Variants in FOXP1 observed in about 807,000 individuals in gnomAD.
FOXP1 encodes the protein forkhead box protein P1.
In FOXP1, 15 loss-of-function variants were observed where a neutral mutation model predicts 98.2. That is an observed-to-expected ratio of 0.15 (90% CI 0.10 to 0.24). FOXP1 has a LOEUF of 0.24. FOXP1 is among the 10% of genes least tolerant of loss of function. The pLI, the probability that FOXP1 is intolerant of heterozygous loss-of-function variation, is 1.00. For missense variants in FOXP1, 633 were observed against 848.5 expected, an observed-to-expected ratio of 0.75 and a Z score of 3.15; for synonymous variants, 371 against 314.5, an observed-to-expected ratio of 1.18 and a Z score of -1.90.
At chr3:71,307,834 T>C (rs1321778977) in intron 4 of FOXP1, among the ~76,000 whole-genome samples, 1 of 152,200 alleles carries the variant, frequency 6.6e-6, no homozygotes, top group Non-Finnish European at 1.5e-5. Context: ...CAAACCTGGA[T>C]GCAACTGAAT....
At chr3:71,492,999 T>C (rs1035487845) in intron 3 of FOXP1, among the ~76,000 whole-genome samples, 1 of 152,122 alleles carries the variant, frequency 6.6e-6, no homozygotes, top group Non-Finnish European at 1.5e-5. Context: ...TAAGTCCTGA[T>C]CATACAAAAA....
chr3:71,582,366 G>T (rs1328797216), intron 1 of FOXP1: 1 of 975,692 alleles, frequency 1.0e-6, no homozygotes, highest in Non-Finnish European at 1.2e-6. Context: ...AAACTCCTCG[G>T]CTCCCGGCGC....
chr3:71,076,223 C>T (rs532213162), intron 7 of FOXP1, among the ~76,000 whole-genome samples: 1 of 152,228 alleles, frequency 6.6e-6, no homozygotes, highest in East Asian at 1.9e-4. Context: ...TCAGCTTGCA[C>T]CCAAATAGCA....
At chr3:71,434,381 C>G (rs1218260171) in intron 3 of FOXP1, among the ~76,000 whole-genome samples, 1 of 152,142 alleles carries the variant, frequency 6.6e-6, no homozygotes, top group Non-Finnish European at 1.5e-5. Flanking sequence ...CTTGCTGTCC[C>G]TCCCAAGTCC....
chr3:70,960,794 A>T (rs987010728), intron 20 of FOXP1, among the ~76,000 whole-genome samples: 1 of 152,054 alleles, frequency 6.6e-6, no homozygotes, highest in Non-Finnish European at 1.5e-5. Context: ...AAATTAGCAC[A>T]GCCTAGAGAG....
At chr3:71,255,139 C>T (rs531652464) in intron 5 of FOXP1, among the ~76,000 whole-genome samples, 2 of 152,254 alleles carry the variant, frequency 1.3e-5, no homozygotes, top group South Asian at 2.1e-4. Flanking sequence ...CAATTAACCT[C>T]GGACCTATAG....
intron 5 of FOXP1, among the ~76,000 whole-genome samples, chr3:71,213,628 C>G (rs2064678984): frequency 6.6e-6 from 1 of 152,050 alleles, no homozygotes; most frequent in Admixed American, 6.6e-5. Context: ...CCAGCCTGGC[C>G]AATATGGTGA....
chr3:71,470,083 A>G (rs1252940086), intron 3 of FOXP1, among the ~76,000 whole-genome samples: 1 of 151,926 alleles, frequency 6.6e-6, no homozygotes, highest in Non-Finnish European at 1.5e-5. Context: ...ATTAATAAAA[A>G]TAAAATATTC....
chr3:71,207,752 T>C (rs570212819), intron 5 of FOXP1, among the ~76,000 whole-genome samples: 2 of 151,836 alleles, frequency 1.3e-5, no homozygotes, highest in Admixed American at 6.6e-5. Flanking sequence ...AAAAAAATGA[T>C]GATATGATGC....
At chr3:71,266,340 C>A (rs915811024) in intron 5 of FOXP1, among the ~76,000 whole-genome samples, 1 of 151,962 alleles carries the variant, frequency 6.6e-6, no homozygotes, top group Non-Finnish European at 1.5e-5. Context: ...ACCTCTGCCC[C>A]CCAGGTTTAA....
At chr3:71,365,379 T>G (rs1486335098) in intron 3 of FOXP1, among the ~76,000 whole-genome samples, 1 of 149,630 alleles carries the variant, frequency 6.7e-6, no homozygotes, top group Non-Finnish European at 1.5e-5. Context: ...CAAGGGCCCA[T>G]GCGCCCACAT....
At chr3:71,438,168 G>A (rs957718742) in intron 3 of FOXP1, among the ~76,000 whole-genome samples, 3 of 152,180 alleles carry the variant, frequency 2.0e-5, no homozygotes, top group Admixed American at 2.0e-4. Context: ...TACAGGAATG[G>A]AATAACATGT....
chr3:71,107,112 T>C (rs537286695), intron 7 of FOXP1, among the ~76,000 whole-genome samples: 1 of 152,128 alleles, frequency 6.6e-6, no homozygotes, highest in Admixed American at 6.6e-5. Context: ...AACCAATCAA[T>C]AGCCATGGAG....
intron 2 of FOXP1, among the ~76,000 whole-genome samples, chr3:71,546,636 T>C (rs1402255557): frequency 3.3e-5 from 5 of 151,868 alleles, no homozygotes; most frequent in Non-Finnish European, 7.4e-5. Context: ...CGAGATGCTG[T>C]TCATCAGGTA....
chr3:71,350,852 C>G (rs1423042197), intron 4 of FOXP1, among the ~76,000 whole-genome samples: 2 of 152,142 alleles, frequency 1.3e-5, no homozygotes, highest in Non-Finnish European at 2.9e-5. Context: ...CTGAAACCAG[C>G]ACTCTTTTCA....
At chr3:71,286,578 G>C (rs1576774248) in intron 5 of FOXP1, among the ~76,000 whole-genome samples, 1 of 152,148 alleles carries the variant, frequency 6.6e-6, no homozygotes, top group South Asian at 2.1e-4. Context: ...TGATATTTGG[G>C]ATAAATTAAA....
intron 4 of FOXP1, among the ~76,000 whole-genome samples, chr3:71,326,032 T>C (rs2075669923): frequency 6.6e-6 from 1 of 152,188 alleles, no homozygotes; most frequent in Non-Finnish European, 1.5e-5. Flanking sequence ...AAAAATACTT[T>C]ATTTGGCGTG....
At chr3:71,132,978 C>G (rs1335520698) in intron 6 of FOXP1, among the ~76,000 whole-genome samples, 2 of 29,410 alleles carry the variant, frequency 6.8e-5, no homozygotes, top group Middle Eastern at 0.021. Context: ...TGTTCTCTAA[C>G]CATAAAAAAA....
intron 12 of FOXP1, among the ~76,000 whole-genome samples, chr3:71,002,340 T>A (rs2042223569): frequency 6.6e-6 from 1 of 152,072 alleles, no homozygotes. Flanking sequence ...CTCGCTCCCC[T>A]CCAAAAAAGC....
Sources: allele counts gnomAD v4.1 joint callset (sites outside exome capture counted in the v4.1 genomes callset), GRCh38; gene constraint gnomAD v4.1.1; transcripts MANE v1.5; gene names NCBI Gene and HGNC (gene_info 2026-07-23, HGNC 2026-07-21).